Variants in NUDC observed in about 807,000 individuals in gnomAD.
NUDC encodes nuclear migration protein nudC.
Under a neutral mutation model 45.0 loss-of-function variants are expected in NUDC, and 14 were observed. That is an observed-to-expected ratio of 0.31 (90% CI 0.21 to 0.49). The LOEUF (loss-of-function observed/expected upper bound fraction) is 0.49, where lower values mean the gene tolerates loss of function less well. NUDC is among the 20% of genes least tolerant of loss of function. The pLI, the probability that NUDC is intolerant of heterozygous loss-of-function variation, is 0.99. For synonymous variants in NUDC, 153 were observed against 156.7 expected, an observed-to-expected ratio of 0.98 and a Z score of 0.17; for missense variants, 323 against 426.2, an observed-to-expected ratio of 0.76 and a Z score of 2.13.
chr1:26,942,216 G>A (rs1219313816), intron 4 of NUDC, among the ~76,000 whole-genome samples: 1 of 152,070 alleles, frequency 6.6e-6, no homozygotes, highest in African/African-American at 2.4e-5. Context: ...GCTTGAACCC[G>A]GGAGGCGGAG....
chr1:26,912,075 G>T, intron 3 of NUDC: 1 of 1,613,730 alleles, frequency 6.2e-7, no homozygotes, highest in Non-Finnish European at 8.5e-7. Flanking sequence ...GCGGCTTGGA[G>T]GCCTGGCACA....
intron 2 of NUDC, among the ~76,000 whole-genome samples, chr1:26,907,261 G>C (rs913975503): frequency 2.6e-5 from 4 of 152,078 alleles, no homozygotes; most frequent in Non-Finnish European, 4.4e-5. Flanking sequence ...TCACCACTTG[G>C]GTAAAGCATT....
At chr1:26,922,978 G>A (rs1219664109) in intron 1 of NUDC, among the ~76,000 whole-genome samples, 1 of 152,154 alleles carries the variant, frequency 6.6e-6, no homozygotes, top group East Asian at 1.9e-4. Context: ...AAGCAAGAAC[G>A]GAAACCATTG....
chr1:26,932,000 T>A (rs1432462011), intron 2 of NUDC, among the ~76,000 whole-genome samples: 10 of 149,236 alleles, frequency 6.7e-5, no homozygotes, highest in African/African-American at 2.2e-4. Flanking sequence ...TTTTTTTTTT[T>A]AATTTTTATT....
At chr1:26,901,198 G>A (rs1025927474) in intron 1 of NUDC, among the ~76,000 whole-genome samples, 2 of 151,908 alleles carry the variant, frequency 1.3e-5, no homozygotes, top group African/African-American at 4.8e-5. Flanking sequence ...TTGGGGTCTC[G>A]CTCTGTCGCC....
Position 26,946,212 on chromosome 1 carries a change from G to A in NUDC, c.*31G>A. The A allele has an allele frequency of 6.3e-7, 1 of 1,596,342 alleles. No individual in the cohort carries two copies. On this transcript the variant is annotated 3_prime_UTR_variant, in exon 9 of 9. Coordinates refer to ENST00000321265, the MANE Select transcript of NUDC (RefSeq NM_006600.4). ...GTTTTTTCCTCCCTGAACTCTTGGG[G>A]CTGAGCTGCAACCACCCAACTTTCT... is the stretch of plus-strand genomic sequence containing the variant.
At chr1:26,910,485 G>A (rs1350034400) in intron 2 of NUDC, among the ~76,000 whole-genome samples, 1 of 152,156 alleles carries the variant, frequency 6.6e-6, no homozygotes, top group Non-Finnish European at 1.5e-5. Flanking sequence ...GTCCTAACCT[G>A]GGGGGCTTAG....
intron 2 of NUDC, among the ~76,000 whole-genome samples, chr1:26,934,182 C>T (rs1046020536): frequency 2.0e-5 from 3 of 152,144 alleles, no homozygotes; most frequent in African/African-American, 4.8e-5. Flanking sequence ...TTAATTGACT[C>T]AGAGTTCTGC....
At chr1:26,937,938 C>T (rs541053141) in intron 2 of NUDC, among the ~76,000 whole-genome samples, 3 of 152,298 alleles carry the variant, frequency 2.0e-5, no homozygotes, top group Admixed American at 6.5e-5. Context: ...TGGGAGCCCC[C>T]GTGCCCGACC....
chr1:26,917,354 G>C (rs982302290), upstream of NUDC, among the ~76,000 whole-genome samples: 3 of 152,100 alleles, frequency 2.0e-5, no homozygotes, highest in Non-Finnish European at 4.4e-5. Context: ...CTGAGGTCAG[G>C]AGTTCGAGAC....
chr1:26,901,380 G>C (rs2081977785), intron 1 of NUDC, among the ~76,000 whole-genome samples: 1 of 148,744 alleles, frequency 6.7e-6, no homozygotes, highest in African/African-American at 2.5e-5. Flanking sequence ...TGTGAGCCAC[G>C]GTCCCCGCCT....
chr1:26,916,104 C>A (rs936744284), intron 3 of NUDC, among the ~76,000 whole-genome samples: 1 of 152,002 alleles, frequency 6.6e-6, no homozygotes, highest in Non-Finnish European at 1.5e-5. Context: ...ATAGAATACA[C>A]ACTCGGTTAC....
At position 26,942,738 on chromosome 1, in the gene NUDC, C is replaced by T. The variant is rs780809662; in HGVS notation, c.508C>T (p.Pro170Ser). 16 of 1,614,100 alleles carry T rather than the reference C, an allele frequency of 9.9e-6. No individual in the cohort carries two copies. Among genetic ancestry groups the T allele is most frequent in the Admixed American group, 1.7e-5 (1 of 60,004 alleles). The stretch of plus-strand genomic sequence containing the variant: ...CAACCTAGGCAACGGGGCAGACCTG[C>T]CCAATTACCGCTGGACCCAGACCCT... ...KPNLGNGADL[P>S]NYRWTQTLSE... The change falls in exon 5 of 9, where the codon CCC becomes TCC. Residue 170 changes from proline (P) to serine (S), a missense_variant. Physicochemically the swap from Pro to Ser is moderately conservative, Grantham distance 74. Around this residue, in one of 3 missense-constraint regions of NUDC, gnomAD observed 245 missense variants for 278.8 expected, o/e 0.88. Coordinates refer to ENST00000321265, the MANE Select transcript of NUDC (RefSeq NM_006600.4).
At chr1:26,922,431 C>T (rs1458690267) in intron 1 of NUDC, 1 of 174,626 alleles carries the variant, frequency 5.7e-6, no homozygotes, top group African/African-American at 2.4e-5. Flanking sequence ...TCTCTCCAAG[C>T]CTGAGTTTCC....
intron 2 of NUDC, among the ~76,000 whole-genome samples, chr1:26,907,587 C>CGGGACACA (rs2082007930): frequency 6.6e-6 from 1 of 150,958 alleles, no homozygotes; most frequent in South Asian, 2.1e-4. Context: ...GGAGTTAATG[C>CGGGACACA]GGGACACAGC....
chr1:26,923,463 C>G (rs1028244868), intron 1 of NUDC, among the ~76,000 whole-genome samples: 2 of 152,116 alleles, frequency 1.3e-5, no homozygotes, highest in South Asian at 4.1e-4. Context: ...TGCTTTGACC[C>G]GGTAACTTAG....
At chr1:26,921,577 A>G (rs983230880), upstream of NUDC, 2 of 564,616 alleles carry the variant, frequency 3.5e-6, no homozygotes, top group African/African-American at 3.8e-5. Flanking sequence ...GGCTCCGCCT[A>G]CCGCTTCGTG....
At chr1:26,935,774 C>A (rs924470197) in intron 2 of NUDC, among the ~76,000 whole-genome samples, 6 of 151,646 alleles carry the variant, frequency 4.0e-5, no homozygotes, top group Non-Finnish European at 8.8e-5. Context: ...AAGTAAGGTT[C>A]ACACTTTACA....
chr1:26,917,991 C>G (rs2082070049), upstream of NUDC, among the ~76,000 whole-genome samples: 1 of 151,966 alleles, frequency 6.6e-6, no homozygotes, highest in Non-Finnish European at 1.5e-5. Flanking sequence ...CACACACACA[C>G]ACACACACAT....
Sources: gnomAD v4.1 joint callset for allele counts (sites outside exome capture counted in the v4.1 genomes callset) on GRCh38, gnomAD v4.1.1 for gene constraint, gnomAD v4.1.1 regional missense constraint, MANE v1.5 for transcripts, NCBI Gene and HGNC (gene_info 2026-07-23, HGNC 2026-07-21) for gene names.